FRMD4B: variants seen among roughly 807,000 people sequenced by gnomAD.
FRMD4B encodes the protein FERM domain-containing protein 4B.
Under a neutral mutation model 141.5 loss-of-function variants are expected in FRMD4B, and 74 were observed. The ratio of observed to expected loss-of-function variants is 0.52; its 90% CI spans 0.43 to 0.63. The LOEUF (loss-of-function observed/expected upper bound fraction) is 0.63, where lower values mean the gene tolerates loss of function less well. FRMD4B is among the 30% of genes least tolerant of loss of function. The pLI is 0.00. For missense variants in FRMD4B, 1,366 were observed against 1,253.4 expected (o/e 1.09, Z -1.36); for synonymous variants, 506 against 467.9 (o/e 1.08, Z -1.05).
chr3:69,302,568 G>C (rs1317515635), intron 3 of FRMD4B, 133 bp from the exon 4 acceptor site: 1 of 625,990 alleles, frequency 1.6e-6, no homozygotes, highest in African/African-American at 1.8e-5. Context: ...GTTACAACTG[G>C]TAATGAGACC....
intron 2 of FRMD4B, among the ~76,000 whole-genome samples, chr3:69,397,238 G>A (rs1034974900): frequency 6.6e-6 from 1 of 152,168 alleles, no homozygotes; most frequent in Non-Finnish European, 1.5e-5. Flanking sequence ...AAAACATAAT[G>A]TCAAGTAAAA....
rs2107554012 is a variant in FRMD4B at position 69,171,796 on chromosome 3, A to G, written c.*65T>C. 6.6e-7 allele frequency: 1 copy of G among 1,518,530 alleles called. No homozygotes were observed. The highest frequency in any genetic ancestry group is 9.1e-7 in the Non-Finnish European group (1 of 1,102,878). 94.1% of individuals were successfully genotyped at this position (1,518,530 alleles called of 1,614,324 possible). ...TAAAACGAACATCCTCTCGGAAGAC[A>G]AATACAATTTGCAAGGCACACTAGT... On this transcript the variant is annotated 3_prime_UTR_variant, in exon 23 of 23. Coordinates refer to ENST00000398540, the MANE Select transcript of FRMD4B (RefSeq NM_015123.3).
intron 2 of FRMD4B, among the ~76,000 whole-genome samples, chr3:69,414,558 G>T (rs1036010271): frequency 1.3e-5 from 2 of 152,224 alleles, no homozygotes; most frequent in Admixed American, 6.5e-5. Flanking sequence ...GGCGTGATCC[G>T]CCTGCCTTGG....
chr3:69,389,928 A>G (rs942240674), upstream of FRMD4B, among the ~76,000 whole-genome samples: 7 of 151,506 alleles, frequency 4.6e-5, no homozygotes, highest in African/African-American at 1.5e-4. Context: ...TTTTAATTTA[A>G]GAAGAGGATT....
chr3:69,341,218 G>A (rs1389700814), intron 1 of FRMD4B, among the ~76,000 whole-genome samples: 1 of 152,146 alleles, frequency 6.6e-6, no homozygotes, highest in East Asian at 1.9e-4. Context: ...GTGGGCACTT[G>A]GAGATGTACA....
At position 69,207,800 on chromosome 3, in the gene FRMD4B, C is replaced by T. The variant is rs530527051; in HGVS notation, c.876+8463G>A. On this transcript the variant is annotated intron_variant, in intron 11 of 22. Transcript: ENST00000398540. ...TCCAGCCTGGTGACAGAGTGAGACT[C>T]CGTCTCAAAAAAAAAAAAAAGAAAA... 4.7e-5 allele frequency among the ~76,000 whole-genome samples: 7 copies of T among 149,126 alleles called. No homozygotes were observed. The East Asian group carries it at 1.5e-3, about 31-fold the overall frequency.
At chr3:69,211,037 A>AAAAAAG (rs1291383930) in intron 11 of FRMD4B, among the ~76,000 whole-genome samples, 5 of 151,338 alleles carry the variant, frequency 3.3e-5, no homozygotes, top group African/African-American at 4.9e-5. Context: ...AAAAAAAAAA[A>AAAAAAG]AAAGAAAGAA....
chr3:69,399,184 C>T (rs541885665), intron 2 of FRMD4B, among the ~76,000 whole-genome samples: 7 of 152,138 alleles, frequency 4.6e-5, no homozygotes, highest in African/African-American at 1.7e-4. Context: ...TATCCATTGC[C>T]AAGGGGATTC....
At chr3:69,327,334 T>C (rs1042045885) in intron 1 of FRMD4B, among the ~76,000 whole-genome samples, 1 of 152,228 alleles carries the variant, frequency 6.6e-6, no homozygotes, top group Non-Finnish European at 1.5e-5. Context: ...TAAACTGCAG[T>C]ACTTGTAATT....
At chr3:69,472,944 T>G (rs1705921373) in intron 1 of FRMD4B, among the ~76,000 whole-genome samples, 1 of 149,018 alleles carries the variant, frequency 6.7e-6, no homozygotes, top group African/African-American at 2.5e-5. Flanking sequence ...TTTTCTTTTT[T>G]TTTTTTTTTG....
intron 1 of FRMD4B, among the ~76,000 whole-genome samples, chr3:69,501,936 T>C (rs1575593096): frequency 6.6e-6 from 1 of 152,226 alleles, no homozygotes; most frequent in African/African-American, 2.4e-5. Context: ...TCACAATTGC[T>C]TCAAAGAGAA....
chr3:69,427,648 T>TTTTTTTTTTG (rs1705107296), intron 2 of FRMD4B, among the ~76,000 whole-genome samples: 1 of 115,670 alleles, frequency 8.6e-6, no homozygotes, highest in African/African-American at 3.5e-5. Context: ...TAAATGTTTT[T>TTTTTTTTTTG]TTTTTTTTTT....
intron 1 of FRMD4B, among the ~76,000 whole-genome samples, chr3:69,333,006 TG>T (rs1474394397): frequency 6.6e-6 from 1 of 152,136 alleles, no homozygotes; most frequent in Non-Finnish European, 1.5e-5. Context: ...CTTCATCTTG[TG>T]CCTTTTACAG....
At chr3:69,279,384 A>G (rs2106989190) in intron 5 of FRMD4B, among the ~76,000 whole-genome samples, 1 of 152,328 alleles carries the variant, frequency 6.6e-6, no homozygotes, top group South Asian at 2.1e-4. Flanking sequence ...GTAGTAATAA[A>G]TAACTGTGTA....
intron 1 of FRMD4B, among the ~76,000 whole-genome samples, chr3:69,523,197 C>CTGCTGGGA (rs1700879407): frequency 6.6e-6 from 1 of 151,410 alleles, no homozygotes; most frequent in Non-Finnish European, 1.5e-5. Context: ...TATGATTATT[C>CTGCTGGGA]TGCTGGGATG....
At chr3:69,304,716 C>G (rs1701337986) in intron 3 of FRMD4B, among the ~76,000 whole-genome samples, 1 of 152,120 alleles carries the variant, frequency 6.6e-6, no homozygotes, top group Non-Finnish European at 1.5e-5. Flanking sequence ...GCTTGTCCAA[C>G]TAGTCCATCC....
At chr3:69,455,396 T>G (rs1174188724) in intron 1 of FRMD4B, among the ~76,000 whole-genome samples, 1 of 152,204 alleles carries the variant, frequency 6.6e-6, no homozygotes, top group Admixed American at 6.5e-5. Context: ...ACGGCAAAGG[T>G]CTGCAGCTTC....
At chr3:69,468,236 C>G (rs1195904949) in intron 1 of FRMD4B, among the ~76,000 whole-genome samples, 2 of 29,540 alleles carry the variant, frequency 6.8e-5, no homozygotes, top group Non-Finnish European at 1.2e-4. Flanking sequence ...CTCATGAACT[C>G]CCAACAATCA....
chr3:69,185,345 T>C (rs1393470561), intron 19 of FRMD4B, among the ~76,000 whole-genome samples: 1 of 150,538 alleles, frequency 6.6e-6, no homozygotes, highest in East Asian at 1.9e-4. Context: ...AACATAGCAA[T>C]GTGGAGGTTA....
Sources: allele counts gnomAD v4.1 joint callset (sites outside exome capture counted in the v4.1 genomes callset), GRCh38; gene constraint gnomAD v4.1.1; transcripts MANE v1.5; gene names NCBI Gene and HGNC (gene_info 2026-07-23, HGNC 2026-07-21).